The following CACNA1D variants were observed in gnomAD, a reference collection of about 807,000 sequenced individuals.
CACNA1D encodes the protein voltage-dependent L-type calcium channel subunit alpha-1D.
Under a neutral mutation model 257.1 loss-of-function variants are expected in CACNA1D, and 55 were observed. The observed-to-expected ratio is 0.21, with a 90% CI of 0.17 to 0.27. The LOEUF (loss-of-function observed/expected upper bound fraction) is 0.27. CACNA1D is among the 10% of genes least tolerant of loss of function. The pLI is 1.00. For synonymous variants in CACNA1D, 980 were observed against 1,014.9 expected (o/e 0.97, Z 0.65); for missense variants, 1,876 against 2,784.0 (o/e 0.67, Z 7.34).
intron 3 of CACNA1D, among the ~76,000 whole-genome samples, chr3:53,546,984 A>C (rs1000234363): frequency 1.3e-5 from 2 of 152,242 alleles, no homozygotes; most frequent in African/African-American, 2.4e-5. Flanking sequence ...ATATAGTACC[A>C]AACATTGGCC....
chr3:53,675,626 G>A (rs2094368013), intron 8 of CACNA1D, among the ~76,000 whole-genome samples: 1 of 152,094 alleles, frequency 6.6e-6, no homozygotes, highest in Non-Finnish European at 1.5e-5. Context: ...GGGCGGGGGG[G>A]CTTCCCACTA....
chr3:53,803,604 A>G, intron 44 of CACNA1D, 32 bp downstream of exon 44: 1 of 1,610,022 alleles, frequency 6.2e-7, no homozygotes. Context: ...GGAGAGCGGG[A>G]GGCCGCCCTG....
intron 3 of CACNA1D, among the ~76,000 whole-genome samples, chr3:53,503,968 G>A (rs2090712598): frequency 6.6e-6 from 1 of 151,678 alleles, no homozygotes; most frequent in South Asian, 2.1e-4. Flanking sequence ...TTCCCACTGT[G>A]GGAAGGGAAG....
At chr3:53,611,910 T>C (rs1201409332) in intron 3 of CACNA1D, among the ~76,000 whole-genome samples, 1 of 152,142 alleles carries the variant, frequency 6.6e-6, no homozygotes, top group Non-Finnish European at 1.5e-5. Context: ...AAAAAATGAG[T>C]GTGCCAGTAA....
chr3:53,534,416 T>C, intron 3 of CACNA1D, among the ~76,000 whole-genome samples: 1 of 152,236 alleles, frequency 6.6e-6, no homozygotes, highest in East Asian at 1.9e-4. Flanking sequence ...CTCCCACTTC[T>C]CTTGGTCTCC....
chr3:53,580,760 T>G (rs1437577324), intron 3 of CACNA1D, among the ~76,000 whole-genome samples: 1 of 152,236 alleles, frequency 6.6e-6, no homozygotes. Flanking sequence ...GGGATACACC[T>G]GTCTTTCTTA....
At chr3:53,735,891 A>G (rs2095052564) in intron 20 of CACNA1D, among the ~76,000 whole-genome samples, 2 of 152,214 alleles carry the variant, frequency 1.3e-5, no homozygotes, top group Non-Finnish European at 2.9e-5. Context: ...GCAGAATTCA[A>G]ACCAGGCACA....
chr3:53,777,192 A>C (rs1269037195), intron 37 of CACNA1D, among the ~76,000 whole-genome samples: 3 of 152,172 alleles, frequency 2.0e-5, no homozygotes, highest in Non-Finnish European at 4.4e-5. Context: ...GATGGTAGAG[A>C]AGGCGACATT....
At position 53,772,841 on chromosome 3, in the gene CACNA1D, G is replaced by T. The variant is rs763428428; in HGVS notation, c.4053G>T (p.Pro1351=). Residue 1351 remains proline (P), a synonymous_variant, in exon 33 of 48, where the codon CCG becomes CCT. Coordinates refer to ENST00000350061, the MANE Select transcript of CACNA1D (RefSeq NM_001128840.3). ...WTFIKSFQAL[P]YVALLIAMLF... ...TGCCTTTTCTCTCCCAGGCGCTCCC[G>T]TATGTGGCCCTCCTCATAGCCATGC... is the stretch of plus-strand genomic sequence containing the variant. 2.3e-5 allele frequency: 37 copies of T among 1,612,652 alleles called. No individual in the cohort carries two copies. The highest frequency in any genetic ancestry group is 1.7e-4 in the Middle Eastern group (1 of 6,052).
At chr3:53,593,956 G>A (rs1175263213) in intron 3 of CACNA1D, among the ~76,000 whole-genome samples, 1 of 152,210 alleles carries the variant, frequency 6.6e-6, no homozygotes, top group Admixed American at 6.5e-5. Context: ...GGGAGCTGCA[G>A]CTTTTCTTAG....
At chr3:53,516,018 G>A (rs185530106) in intron 3 of CACNA1D, among the ~76,000 whole-genome samples, 251 of 152,226 alleles carry the variant, frequency 1.6e-3, no homozygotes, top group African/African-American at 5.8e-3. Context: ...TGACTGACTG[G>A]GTTTGGGAAT....
rs2093037244 is a variant in CACNA1D at position 53,576,315 on chromosome 3, C to A, written c.484-74464C>A. ...AGTTTGCTTTCTTAAAACAAAATGGCAACCAATGAAAGTTTTCTGGTGAGT... is the reference window on the plus strand; with the variant it reads ...AGTTTGCTTTCTTAAAACAAAATGGAAACCAATGAAAGTTTTCTGGTGAGT... On this transcript the variant is annotated intron_variant, in intron 3 of 47. Coordinates refer to ENST00000350061, the MANE Select transcript of CACNA1D (RefSeq NM_001128840.3). 2.6e-5 allele frequency among the ~76,000 whole-genome samples: 4 copies of A among 152,290 alleles called. No homozygotes were observed. The East Asian group carries it at 7.7e-4, about 29-fold the overall frequency.
intron 8 of CACNA1D, among the ~76,000 whole-genome samples, chr3:53,700,782 AG>A (rs1187632415): frequency 3.3e-5 from 5 of 151,698 alleles, no homozygotes; most frequent in South Asian, 4.2e-4. Flanking sequence ...GACCAAGGAT[AG>A]GTTCCAGGGA....
intron 30 of CACNA1D, chr3:53,762,743 A>G: frequency 2.6e-6 from 1 of 384,834 alleles, no homozygotes; most frequent in Non-Finnish European, 5.2e-6. Flanking sequence ...AAATCCAGAC[A>G]CAAATTTATT....
chr3:53,674,037 G>C, intron 8 of CACNA1D: 1 of 619,722 alleles, frequency 1.6e-6, no homozygotes, highest in South Asian at 1.9e-5. Context: ...TAATGAAAAC[G>C]TTCCCCCAAA....
chr3:53,689,182 G>A (rs2094498035), intron 8 of CACNA1D, among the ~76,000 whole-genome samples: 2 of 152,126 alleles, frequency 1.3e-5, no homozygotes, highest in South Asian at 4.1e-4. Context: ...GGATTCGTTA[G>A]GATGGTAAAG....
intron 8 of CACNA1D, among the ~76,000 whole-genome samples, chr3:53,682,914 TGCA>T (rs1223120375): frequency 6.6e-6 from 1 of 152,202 alleles, no homozygotes; most frequent in African/African-American, 2.4e-5. Context: ...TATACAGGAT[TGCA>T]ATCCCTACGA....
chr3:53,674,452 A>C (rs2094354463), intron 8 of CACNA1D, among the ~76,000 whole-genome samples: 1 of 152,224 alleles, frequency 6.6e-6, no homozygotes. Context: ...TTTTGTGCAC[A>C]CATTTCCCAT....
chr3:53,724,808 G>A (rs1322820522), intron 14 of CACNA1D, among the ~76,000 whole-genome samples: 1 of 152,222 alleles, frequency 6.6e-6, no homozygotes, highest in East Asian at 1.9e-4. Flanking sequence ...CTCTGCTGTG[G>A]ATGAGTCACT....
Sources: allele counts gnomAD v4.1 joint callset (sites outside exome capture counted in the v4.1 genomes callset), GRCh38; gene constraint gnomAD v4.1.1; transcripts MANE v1.5; gene names NCBI Gene and HGNC (gene_info 2026-07-23, HGNC 2026-07-21).